The following ST8SIA6 variants were observed in gnomAD, a reference collection of about 807,000 sequenced individuals.
ST8SIA6 encodes ST8 alpha-N-acetyl-neuraminide alpha-2,8-sialyltransferase 6.
ST8SIA6 carries 39 observed loss-of-function variants against 33.6 expected under a neutral mutation model. The ratio of observed to expected loss-of-function variants is 1.16; its 90% CI spans 0.90 to 1.52. The LOEUF (loss-of-function observed/expected upper bound fraction) is 1.52. Ranked by LOEUF, ST8SIA6 falls within the 40% of genes most tolerant of loss-of-function variation. The pLI is 0.00. For synonymous variants in ST8SIA6, 172 were observed against 167.2 expected, an observed-to-expected ratio of 1.03 and a Z score of -0.22; for missense variants, 441 against 443.8, an observed-to-expected ratio of 0.99 and a Z score of 0.06.
At position 17,315,912 on chromosome 10, in the gene ST8SIA6, T is replaced by G. The variant is rs1847759355; in HGVS notation, c.*4966A>C. ...AATGACATGGGATAATACTGATTTT[T>G]CTTTTCATTTTATAATTGCATAATG... is the stretch of plus-strand genomic sequence containing the variant. On this transcript the variant is annotated 3_prime_UTR_variant, in exon 8 of 8. Transcript: ENST00000377602. 6.6e-6 allele frequency among the ~76,000 whole-genome samples: 1 copy of G among 152,036 alleles called. No homozygotes were observed. The highest frequency in any genetic ancestry group is 2.1e-4 in the South Asian group (1 of 4,830).
At chr10:17,424,335 C>T (rs1447255239) in intron 2 of ST8SIA6, among the ~76,000 whole-genome samples, 1 of 152,126 alleles carries the variant, frequency 6.6e-6, no homozygotes, top group Non-Finnish European at 1.5e-5. Flanking sequence ...AGCTCCTGAC[C>T]TCAGGTGATC....
At chr10:17,396,943 A>G (rs1850827389) in intron 2 of ST8SIA6, among the ~76,000 whole-genome samples, 1 of 152,198 alleles carries the variant, frequency 6.6e-6, no homozygotes, top group Non-Finnish European at 1.5e-5. Flanking sequence ...GGCTTCCACC[A>G]CAGTCCTCTC....
intron 2 of ST8SIA6, among the ~76,000 whole-genome samples, chr10:17,428,228 A>G (rs1444926676): frequency 6.6e-6 from 1 of 151,990 alleles, no homozygotes; most frequent in Non-Finnish European, 1.5e-5. Flanking sequence ...TGTGCCAAGC[A>G]CCCAGCTGGG....
chr10:17,396,047 A>G (rs1850794075), intron 2 of ST8SIA6, among the ~76,000 whole-genome samples: 1 of 152,138 alleles, frequency 6.6e-6, no homozygotes, highest in Non-Finnish European at 1.5e-5. Flanking sequence ...TTAGCATGAG[A>G]AGCCTCCGAC....
chr10:17,358,776 AGAT>A (rs1416767159), intron 4 of ST8SIA6, among the ~76,000 whole-genome samples: 5 of 151,650 alleles, frequency 3.3e-5, no homozygotes, highest in Non-Finnish European at 7.4e-5. Flanking sequence ...AGAAAGGAGA[AGAT>A]GATGAGGAAG....
rs113999978 is a variant in ST8SIA6, at chr10:17,363,635, C to T, written c.291-4035G>A. Among the ~76,000 whole-genome samples, 783 of 152,272 alleles carry T rather than the reference C, an allele frequency of 5.1e-3. 7 individuals carry two copies. The highest frequency in any genetic ancestry group is 0.018 in the African/African-American group (754 of 41,558). ...ATTAATATGCTGGAGTTGGCTCATA[C>T]AAGCTTATGGGAGCTGACCGCTAAG... is the stretch of plus-strand genomic sequence containing the variant. On this transcript the variant is annotated intron_variant, in intron 3 of 7. Coordinates refer to ENST00000377602, the MANE Select transcript of ST8SIA6 (RefSeq NM_001004470.3).
At chr10:17,326,906 G>C in intron 6 of ST8SIA6, 108 bp downstream of exon 6, 1 of 740,402 alleles carries the variant, frequency 1.4e-6, no homozygotes, top group Non-Finnish European at 2.0e-6. Flanking sequence ...GTAGACTTTT[G>C]TAACAGAGCT....
At chr10:17,402,668 G>C (rs535719379) in intron 2 of ST8SIA6, among the ~76,000 whole-genome samples, 8 of 152,040 alleles carry the variant, frequency 5.3e-5, no homozygotes, top group Admixed American at 5.2e-4. Context: ...GCAAACTATC[G>C]CAAGAACAAA....
At chr10:17,355,473 TAAAC>T (rs898160003) in intron 4 of ST8SIA6, among the ~76,000 whole-genome samples, 1 of 152,152 alleles carries the variant, frequency 6.6e-6, no homozygotes, top group African/African-American at 2.4e-5. Flanking sequence ...GATACAAAGA[TAAAC>T]AAGATAATGC....
At chr10:17,340,560 C>T (rs1367646009) in intron 4 of ST8SIA6, among the ~76,000 whole-genome samples, 1 of 152,200 alleles carries the variant, frequency 6.6e-6, no homozygotes, top group Non-Finnish European at 1.5e-5. Flanking sequence ...ACCCCTTCCC[C>T]TCCCTTGTTC....
intron 3 of ST8SIA6, among the ~76,000 whole-genome samples, chr10:17,367,897 G>T (rs959774728): frequency 6.6e-6 from 1 of 152,084 alleles, no homozygotes; most frequent in Non-Finnish European, 1.5e-5. Flanking sequence ...TTAACCTTTT[G>T]CATCTTTAAT....
intron 2 of ST8SIA6, among the ~76,000 whole-genome samples, chr10:17,399,917 CAAAAAAAA>C (rs61580333): frequency 9.0e-6 from 1 of 111,082 alleles, no homozygotes; most frequent in East Asian, 2.4e-4. Context: ...GATTCTGTCT[CAAAAAAAA>C]AAAAAAAAAG....
At chr10:17,350,328 C>T (rs771823203) in intron 4 of ST8SIA6, among the ~76,000 whole-genome samples, 7 of 152,114 alleles carry the variant, frequency 4.6e-5, no homozygotes, top group Non-Finnish European at 8.8e-5. Context: ...AAAATAAAAT[C>T]GAGATGGCAT....
chr10:17,408,954 T>G (rs1851361150), intron 2 of ST8SIA6, among the ~76,000 whole-genome samples: 1 of 149,860 alleles, frequency 6.7e-6, no homozygotes, highest in Admixed American at 6.6e-5. Flanking sequence ...TTTTTTTTTT[T>G]GTATTTTTAG....
At chr10:17,360,288 T>C (rs1354166757) in intron 3 of ST8SIA6, among the ~76,000 whole-genome samples, 1 of 152,122 alleles carries the variant, frequency 6.6e-6, no homozygotes, top group Non-Finnish European at 1.5e-5. Flanking sequence ...TTAAATTTTA[T>C]TTCAATTAGT....
intron 4 of ST8SIA6, among the ~76,000 whole-genome samples, chr10:17,357,346 C>T (rs932619415): frequency 6.6e-6 from 1 of 150,376 alleles, no homozygotes; most frequent in Admixed American, 6.6e-5. Context: ...CCATGTTGGT[C>T]AGGCTGCTTT....
intron 2 of ST8SIA6, among the ~76,000 whole-genome samples, chr10:17,434,778 A>G (rs1473605358): frequency 2.0e-5 from 3 of 152,128 alleles, no homozygotes; most frequent in Non-Finnish European, 4.4e-5. Context: ...TGAGTTGGTT[A>G]ACTGCAACTT....
intron 2 of ST8SIA6, among the ~76,000 whole-genome samples, chr10:17,446,102 C>A (rs1852696999): frequency 6.6e-6 from 1 of 152,002 alleles, no homozygotes; most frequent in Non-Finnish European, 1.5e-5. Context: ...GCTCTGGTAT[C>A]CATAATGCTG....
At chr10:17,445,749 TGAAAG>T (rs1296715828) in intron 2 of ST8SIA6, among the ~76,000 whole-genome samples, 1 of 152,146 alleles carries the variant, frequency 6.6e-6, no homozygotes, top group Non-Finnish European at 1.5e-5. Flanking sequence ...ACTGAAAGAA[TGAAAG>T]GAAACGGGAA....
Sources: allele counts gnomAD v4.1 joint callset (sites outside exome capture counted in the v4.1 genomes callset), GRCh38; gene constraint gnomAD v4.1.1; transcripts MANE v1.5; gene names NCBI Gene and HGNC (gene_info 2026-07-23, HGNC 2026-07-21).